Variants in FNIP2 observed in about 807,000 individuals in gnomAD.
FNIP2 encodes folliculin-interacting protein 2.
FNIP2 carries 32 observed loss-of-function variants against 108.7 expected under a neutral mutation model. The ratio of observed to expected loss-of-function variants is 0.29; its 90% CI spans 0.22 to 0.40. FNIP2 has a LOEUF of 0.40. FNIP2 is among the 10% of genes least tolerant of loss of function. FNIP2 has a pLI of 1.00. For missense variants in FNIP2, 1,202 were observed against 1,381.6 expected (o/e 0.87, Z 2.06); for synonymous variants, 480 against 496.7 (o/e 0.97, Z 0.45).
intron 15 of FNIP2, among the ~76,000 whole-genome samples, chr4:158,895,219 G>A (rs1782565929): frequency 6.6e-6 from 1 of 152,154 alleles, no homozygotes; most frequent in Admixed American, 6.5e-5. Flanking sequence ...AAAAAGTTGT[G>A]GGGGAGGTTC....
chr4:158,847,368 G>C (rs1779463577), intron 7 of FNIP2, among the ~76,000 whole-genome samples: 1 of 152,158 alleles, frequency 6.6e-6, no homozygotes, highest in Admixed American at 6.5e-5. Context: ...GAGAGGAGAG[G>C]GAACAGTAAA....
chr4:158,831,944 A>G lies in FNIP2; in HGVS notation c.465A>G (p.Leu155=), dbSNP rs1778508111. The change falls in exon 4 of 17, where the codon TTA becomes TTG. Residue 155 remains leucine, a synonymous_variant. Transcript: ENST00000264433. The part of the protein sequence containing the change: ...SVAMSYKGST[L]KIHYIRSPPQ... ...CCATGAGTTACAAAGGCTCCACCTT[A>G]AAGATACACTACATACGGTGAGTCT... The G allele has an allele frequency of 6.2e-7, 1 of 1,610,900 alleles. No individual in the cohort carries two copies. Among genetic ancestry groups the G allele is most frequent in the Admixed American group, 1.7e-5 (1 of 59,654 alleles).
In FNIP2 at chr4:158,893,855, A is replaced by T. The variant is rs1156751515; in HGVS notation, c.3151-1895A>T. 8.6e-6 allele frequency: 5 copies of T among 578,988 alleles called. No homozygotes were observed. In the East Asian group the frequency reaches 1.4e-4, roughly 16 times the overall value. 35.9% of individuals were successfully genotyped at this position (578,988 alleles called of 1,614,324 possible). On this transcript the variant is annotated intron_variant, in intron 15 of 16. Transcript: ENST00000264433. ...ATCAAAGCAATAAATTGTTATAGTT[A>T]ATTCTTTTTACTTCCTTTGGACAGA...
At chr4:158,861,272 C>G in intron 10 of FNIP2, 70 bp from the exon 11 acceptor site, 1 of 1,499,388 alleles carries the variant, frequency 6.7e-7, no homozygotes. Flanking sequence ...CTCCTTTATT[C>G]TTTTACACCA....
chr4:158,865,029 A>T (rs1780503839), intron 12 of FNIP2, among the ~76,000 whole-genome samples: 1 of 150,756 alleles, frequency 6.6e-6, no homozygotes, highest in Non-Finnish European at 1.5e-5. Flanking sequence ...CTTTCCTGTG[A>T]CCTCTTCTCC....
chr4:158,875,568 C>G (rs956167945), intron 14 of FNIP2, among the ~76,000 whole-genome samples: 4 of 130,408 alleles, frequency 3.1e-5, no homozygotes, highest in Admixed American at 1.5e-4. Context: ...TTAGTCCATG[C>G]AGTGCAATCA....
chr4:158,799,377 C>T (rs938796459), intron 1 of FNIP2, among the ~76,000 whole-genome samples: 8 of 152,188 alleles, frequency 5.3e-5, no homozygotes, highest in Non-Finnish European at 1.2e-4. Context: ...TAATTTTAGT[C>T]CTGATGTGGA....
chr4:158,837,158 T>C (rs1314788836), intron 7 of FNIP2, among the ~76,000 whole-genome samples: 1 of 152,168 alleles, frequency 6.6e-6, no homozygotes, highest in Non-Finnish European at 1.5e-5. Context: ...GGCAAGAAGA[T>C]GTATGTGGGC....
At chr4:158,839,093 G>A (rs1778973328) in intron 7 of FNIP2, among the ~76,000 whole-genome samples, 1 of 152,126 alleles carries the variant, frequency 6.6e-6, no homozygotes, top group African/African-American at 2.4e-5. Context: ...GTGTTTGTCA[G>A]TTTCTCCACT....
chr4:158,770,180 G>GA (rs1775649152), intron 1 of FNIP2, among the ~76,000 whole-genome samples: 1 of 101,946 alleles, frequency 9.8e-6, no homozygotes, highest in Non-Finnish European at 2.2e-5. Flanking sequence ...CAAGCAGTTT[G>GA]ACCACAGATT....
rs199556655 is a variant in FNIP2, at chr4:158,868,534, G to T, written c.1898G>T (p.Cys633Phe). 4.6e-5 allele frequency: 75 copies of T among 1,613,696 alleles called. No homozygotes were observed. The highest frequency in any genetic ancestry group is 6.1e-5 in the Non-Finnish European group (72 of 1,179,822). Reference sequence around the variant, plus strand: ...GGTTCTGAGGCTTGCAGCGCAGGGTGCCTGGGGCCAGCATCAGACGCTTCC... The same window carrying T: ...GGTTCTGAGGCTTGCAGCGCAGGGTTCCTGGGGCCAGCATCAGACGCTTCC... ...EQGSEACSAG[C>F]LGPASDASWK... The change falls in exon 13 of 17, where the codon TGC becomes TTC. Residue 633 changes from cysteine (C) to phenylalanine (F), a missense_variant. Transcript: ENST00000264433. The surrounding 1 kb of genome is among the most constrained non-coding windows in gnomAD (Gnocchi z 4.6).
At chr4:158,856,672 TAG>T (rs1399136519) in intron 8 of FNIP2, among the ~76,000 whole-genome samples, 2 of 152,184 alleles carry the variant, frequency 1.3e-5, no homozygotes, top group Admixed American at 6.5e-5. Flanking sequence ...GAGCCTAGAC[TAG>T]AAGATAGGAA....
chr4:158,811,386 G>A (rs1047650274), intron 1 of FNIP2, among the ~76,000 whole-genome samples: 1 of 152,124 alleles, frequency 6.6e-6, no homozygotes, highest in Non-Finnish European at 1.5e-5. Context: ...CTGATTTTCA[G>A]CTCTAGCATA....
intron 8 of FNIP2, among the ~76,000 whole-genome samples, chr4:158,852,860 C>G (rs1050253583): frequency 6.6e-6 from 1 of 151,994 alleles, no homozygotes; most frequent in Non-Finnish European, 1.5e-5. Context: ...AGGTTTAAAT[C>G]CAAAGTTGAA....
intron 1 of FNIP2, among the ~76,000 whole-genome samples, chr4:158,817,232 G>GT (rs1045509069): frequency 3.3e-5 from 5 of 152,188 alleles, no homozygotes; most frequent in African/African-American, 1.2e-4. Context: ...CCCACTCAGT[G>GT]TCCCTCTCAC....
At chr4:158,826,536 A>C (rs1778166518) in intron 2 of FNIP2, among the ~76,000 whole-genome samples, 1 of 152,200 alleles carries the variant, frequency 6.6e-6, no homozygotes, top group African/African-American at 2.4e-5. Context: ...TGTTATCTTC[A>C]AAAAGGATTG....
rs1439746684 is a variant in FNIP2, at chr4:158,861,703, A to G, written c.1392A>G (p.Ser464=). The G allele has an allele frequency of 1.3e-5, 21 of 1,613,924 alleles. No homozygotes were observed. The highest frequency in any genetic ancestry group is 1.7e-5 in the Non-Finnish European group (20 of 1,179,906). The change falls in exon 12 of 17, where the codon TCA becomes TCG. Residue 464 remains serine (S), a synonymous_variant. Coordinates refer to ENST00000264433, the MANE Select transcript of FNIP2 (RefSeq NM_020840.3). ...PVDHPPIKAF[S]EKRTSQSVNM... ...ATCACCCTCCCATCAAAGCCTTCTC[A>G]GAGAAACGTACCTCCCAGTCAGTGA...
chr4:158,795,923 T>G (rs1217346674), intron 1 of FNIP2: 1 of 152,234 alleles, frequency 6.6e-6, no homozygotes, highest in Non-Finnish European at 1.5e-5. Context: ...ATGGAAAAAT[T>G]GTCTTCCACG....
chr4:158,847,013 A>G (rs1168033069), intron 7 of FNIP2, among the ~76,000 whole-genome samples: 1 of 152,168 alleles, frequency 6.6e-6, no homozygotes, highest in African/African-American at 2.4e-5. Context: ...TGCTGCCAAC[A>G]CCAGGCAGAG....
Sources: allele counts gnomAD v4.1 joint callset (sites outside exome capture counted in the v4.1 genomes callset), GRCh38; gene constraint gnomAD v4.1.1; non-coding constraint Gnocchi (gnomAD v3.1); transcripts MANE v1.5; gene names NCBI Gene and HGNC (gene_info 2026-07-23, HGNC 2026-07-21).